SUGP1: variants seen among roughly 807,000 people sequenced by gnomAD.
SUGP1 encodes SURP and G-patch domain-containing protein 1.
Under a neutral mutation model 76.5 loss-of-function variants are expected in SUGP1, and 34 were observed. That is an observed-to-expected ratio of 0.44 (90% CI 0.34 to 0.59). SUGP1 has a LOEUF of 0.59. SUGP1 is among the 20% of genes least tolerant of loss of function. The pLI is 0.01. For synonymous variants in SUGP1, 326 were observed against 326.2 expected, an observed-to-expected ratio of 1.00 and a Z score of 0.01; for missense variants, 752 against 851.7, an observed-to-expected ratio of 0.88 and a Z score of 1.46.
intron 7 of SUGP1, 96 bp downstream of exon 7, chr19:19,302,169 C>T (rs1425030258): frequency 1.3e-6 from 2 of 1,533,148 alleles, no homozygotes; most frequent in Non-Finnish European, 1.8e-6. Context: ...ACAGTGGGAC[C>T]CCAGCAGGTG....
intron 4 of SUGP1, among the ~76,000 whole-genome samples, chr19:19,304,382 T>A (rs1206139876): frequency 1.3e-5 from 2 of 151,988 alleles, no homozygotes; most frequent in African/African-American, 4.8e-5. Context: ...CTCCTTGCCA[T>A]CTGCCAGGAC....
intron 2 of SUGP1, among the ~76,000 whole-genome samples, chr19:19,313,222 C>T (rs753044285): frequency 1.3e-4 from 20 of 151,474 alleles, no homozygotes; most frequent in Admixed American, 2.6e-4. Flanking sequence ...GATGAAACCC[C>T]GTCTCTACTA....
At chr19:19,279,099 G>A (rs1282036051) in intron 10 of SUGP1, 114 bp downstream of exon 10, 5 of 1,218,468 alleles carry the variant, frequency 4.1e-6, no homozygotes, top group East Asian at 5.1e-5. Flanking sequence ...GCAGGCTGGG[G>A]GCTAAACCAG....
chr19:19,301,989 C>G (rs975461821), intron 7 of SUGP1: 9 of 452,496 alleles, frequency 2.0e-5, no homozygotes, highest in Non-Finnish European at 3.5e-5. Context: ...GGCAACTGGG[C>G]AAGTGCTAGA....
intron 13 of SUGP1, 37 bp from the exon 14 acceptor site, chr19:19,276,711 T>C: frequency 6.2e-7 from 1 of 1,613,706 alleles, no homozygotes; most frequent in South Asian, 1.1e-5. Flanking sequence ...AGGAGGGGAT[T>C]AGCACTAAAG....
rs199857058 is a variant in SUGP1 at position 19,302,374 on chromosome 19, C to T, written c.778G>A (p.Asp260Asn). 3.3e-5 allele frequency: 53 copies of T among 1,614,022 alleles called. No homozygotes were observed. Among genetic ancestry groups the T allele is most frequent in the African/African-American group, 9.3e-5 (7 of 74,930 alleles). Residue 260 changes from aspartate (D) to asparagine (N), a missense_variant, in exon 7 of 14, where the codon GAC becomes AAC. Physicochemically the swap from Asp to Asn is conservative, Grantham distance 23. This residue lies in a region of SUGP1 where 620 missense variants were observed against 617.3 expected (regional missense o/e 1.00). Transcript: ENST00000247001. ...TCTGCAAGGTTCTTGACCTCTTCGT[C>T]CTCTGGGGGTGAAACTTTAAGCAGG... ...AASQKVSPPE[D>N]EEVKNLAEKL...
chr19:19,276,359 T>G lies in SUGP1; in HGVS notation c.*289A>C. ...AGACACTGCACCTGGCCTTCCAGCT[T>G]TACTATGCTGAAAACAACTTTCTTC... On this transcript the variant is annotated 3_prime_UTR_variant, in exon 14 of 14. Coordinates refer to ENST00000247001, the MANE Select transcript of SUGP1 (RefSeq NM_172231.4). 2.7e-6 allele frequency: 1 copy of G among 376,482 alleles called. No homozygotes were observed. Among genetic ancestry groups the G allele is most frequent in the Non-Finnish European group, 4.9e-6 (1 of 202,814 alleles). 23.3% of individuals were successfully genotyped at this position (376,482 alleles called of 1,614,324 possible). A position where few individuals can be genotyped will look rare whatever the true frequency, so the allele number is the denominator to read the frequency against.
intron 3 of SUGP1, among the ~76,000 whole-genome samples, 158 bp from the exon 4 acceptor site, chr19:19,306,234 A>G (rs2061317111): frequency 6.6e-6 from 1 of 152,166 alleles, no homozygotes. Flanking sequence ...AGATGGGGAC[A>G]GTGAGGCAAA....
intron 3 of SUGP1, among the ~76,000 whole-genome samples, chr19:19,306,825 G>C (rs545910759): frequency 6.6e-6 from 1 of 152,212 alleles, no homozygotes; most frequent in African/African-American, 2.4e-5. Flanking sequence ...TGAGGACCTG[G>C]AGACCAGCCA....
rs559133696 is a variant in SUGP1 at position 19,285,206 on chromosome 19, C to T, written c.1244-4915G>A. Among the ~76,000 whole-genome samples, 3 of 151,994 alleles carry T rather than the reference C, an allele frequency of 2.0e-5. No homozygotes were observed. In the South Asian group the frequency reaches 6.2e-4, roughly 32 times the overall value. Reference sequence around the variant, plus strand: ...TTTGAAATGGAGTCTTGCTCTGTCACCCAGGATGGAGTGCAGTGGAGCAAT... The same window carrying T: ...TTTGAAATGGAGTCTTGCTCTGTCATCCAGGATGGAGTGCAGTGGAGCAAT... On this transcript the variant is annotated intron_variant, in intron 8 of 13. Transcript: ENST00000247001.
intron 6 of SUGP1, among the ~76,000 whole-genome samples, chr19:19,302,751 C>T (rs1257155615): frequency 1.3e-5 from 2 of 152,108 alleles, no homozygotes; most frequent in African/African-American, 2.4e-5. Context: ...GCTCAGGGCA[C>T]AGGGCCACAG....
Position 19,276,533 on chromosome 19 carries a change from T to G in SUGP1, c.*115A>C, listed in dbSNP as rs557639120. On this transcript the variant is annotated 3_prime_UTR_variant, in exon 14 of 14. Coordinates refer to ENST00000247001, the MANE Select transcript of SUGP1 (RefSeq NM_172231.4). ...ATCTGTGGTGGATGAGCACTGGGACTTTATTACACGGCACGGCACTCGTGA... is the reference window on the plus strand; with the variant it reads ...ATCTGTGGTGGATGAGCACTGGGACGTTATTACACGGCACGGCACTCGTGA... The G allele has an allele frequency of 2.6e-3, 3,502 of 1,333,426 alleles. 4 individuals carry two copies. Among genetic ancestry groups the G allele is most frequent in the Non-Finnish European group, 3.4e-3 (3,180 of 941,844 alleles). 82.6% of individuals were successfully genotyped at this position (1,333,426 alleles called of 1,614,324 possible).
chr19:19,295,229 A>G (rs553576848), intron 8 of SUGP1, among the ~76,000 whole-genome samples: 1 of 152,046 alleles, frequency 6.6e-6, no homozygotes, highest in Admixed American at 6.6e-5. Flanking sequence ...CTACTACAAA[A>G]AAAAAAAAAA....
chr19:19,302,734 G>A (rs1168317005), intron 6 of SUGP1, among the ~76,000 whole-genome samples: 1 of 152,110 alleles, frequency 6.6e-6, no homozygotes, highest in African/African-American at 2.4e-5. Flanking sequence ...TCCTCTCCTG[G>A]GGAGAGGCTC....
At chr19:19,283,730 A>C (rs112860492) in intron 8 of SUGP1, among the ~76,000 whole-genome samples, 1,906 of 152,296 alleles carry the variant, frequency 0.013, 16 homozygotes, top group South Asian at 0.027. Flanking sequence ...TTGGGATTAC[A>C]GGCGTGAGCC....
rs200364034 is a variant in SUGP1, at chr19:19,277,837, G to A, written c.1678C>T (p.Leu560=). 1 of 1,614,016 alleles carries A rather than the reference G, an allele frequency of 6.2e-7. No individual in the cohort carries two copies. The highest frequency in any genetic ancestry group is 8.5e-7 in the Non-Finnish European group (1 of 1,179,990). ...PDYSEYKEFK[L]TVENIGYQML... ...TGGTAGCCGATGTTCTCCACAGTCAGCTTGAACTCCTTGTACTCTGAGTAG... is the reference window on the plus strand; with the variant it reads ...TGGTAGCCGATGTTCTCCACAGTCAACTTGAACTCCTTGTACTCTGAGTAG... Residue 560 remains leucine, a synonymous_variant, in exon 12 of 14, where the codon CTG becomes TTG. Coordinates refer to ENST00000247001, the MANE Select transcript of SUGP1 (RefSeq NM_172231.4).
At chr19:19,280,484 C>T (rs1429245913) in intron 8 of SUGP1, 193 bp from the exon 9 acceptor site, 2 of 583,110 alleles carry the variant, frequency 3.4e-6, no homozygotes, top group East Asian at 5.7e-5. Context: ...TGCACCCCCG[C>T]ATCTTACGTC....
At chr19:19,287,665 AGAT>A (rs1182465091) in intron 8 of SUGP1, among the ~76,000 whole-genome samples, 1 of 152,252 alleles carries the variant, frequency 6.6e-6, no homozygotes, top group Non-Finnish European at 1.5e-5. Flanking sequence ...AATGAGTGCC[AGAT>A]GATGAGGAAG....
chr19:19,302,170 C>G (rs1193511112), intron 7 of SUGP1, 95 bp downstream of exon 7: 13 of 1,542,428 alleles, frequency 8.4e-6, no homozygotes, highest in Non-Finnish European at 1.1e-5. Context: ...CAGTGGGACC[C>G]CAGCAGGTGG....
Sources: allele counts gnomAD v4.1 joint callset (sites outside exome capture counted in the v4.1 genomes callset), GRCh38; gene constraint gnomAD v4.1.1; regional missense constraint gnomAD v4.1.1; transcripts MANE v1.5; gene names NCBI Gene and HGNC (gene_info 2026-07-23, HGNC 2026-07-21).